FZD4: variants seen among roughly 807,000 people sequenced by gnomAD.
FZD4 encodes the protein frizzled-4.
Under a neutral mutation model 37.3 loss-of-function variants are expected in FZD4, and 16 were observed. The ratio of observed to expected loss-of-function variants is 0.43; its 90% confidence interval spans 0.29 to 0.65. The LOEUF (loss-of-function observed/expected upper bound fraction) is 0.65, where lower values mean the gene tolerates loss of function less well. Ranked by LOEUF, FZD4 falls within the 30% of genes least tolerant of loss-of-function variation. The probability of loss-of-function intolerance (pLI) is 0.16; values close to 1 mark genes in which losing one functional copy is unlikely to be tolerated. For missense variants in FZD4, 599 were observed against 674.3 expected (o/e 0.89, Z 1.24); for synonymous variants, 246 against 254.8 (o/e 0.97, Z 0.33).
rs1319823742 is a variant in FZD4 at position 86,947,709 on chromosome 11, A to C, written c.*3433T>G. ...AAAGGAAAGAGGATATGAATCAACC[A>C]AGTAGCTCAAGCAGATGGTTCTGGC... On this transcript the variant is annotated 3_prime_UTR_variant, in exon 2 of 2. Coordinates refer to ENST00000531380, the MANE Select transcript of FZD4 (RefSeq NM_012193.4). The C allele has an allele frequency of 6.6e-6, 1 of 152,234 alleles. No individual in the cohort carries two copies. The highest frequency in any genetic ancestry group is 1.5e-5 in the Non-Finnish European group (1 of 68,124). The allele number at this position is 152,234 out of a possible 1,614,324, so 9.4% of individuals were successfully genotyped here.
Position 86,946,789 on chromosome 11 carries a change from A to G in FZD4, c.*4353T>C, listed in dbSNP as rs1949246390. 6.6e-6 allele frequency: 1 copy of G among 152,442 alleles called. No homozygotes were observed. Among genetic ancestry groups the G allele is most frequent in the African/African-American group, 2.4e-5 (1 of 41,458 alleles). The allele number at this position is 152,442 out of a possible 1,614,324, so 9.4% of individuals were successfully genotyped here. A position where few individuals can be genotyped will look rare whatever the true frequency, so the allele number is the denominator to read the frequency against. ...AACCCAGAAGGGAACTCTAAACTCA[A>G]ATAAAATAAAGGAACCAATAGGATT... On this transcript the variant is annotated 3_prime_UTR_variant, in exon 2 of 2. Transcript: ENST00000531380.
Position 86,951,845 on chromosome 11 carries a change from AT to A in FZD4, c.910del (p.Ile304Ter). 2 of 1,613,762 alleles carry A rather than the reference AT, an allele frequency of 1.2e-6. No homozygotes were observed. The highest frequency in any genetic ancestry group is 1.7e-6 in the Non-Finnish European group (2 of 1,180,020). On this transcript the variant is annotated frameshift_variant, in exon 2 of 2. Transcript: ENST00000531380. LOFTEE classifies it high-confidence loss of function. ...AAAAAAGTACATCAGCAAGAAAATT[AT>A]TGCACATCCTGTGTTCTTAAGTCCT... ...QEGLKNTGCA[I>X]IFLLMYFFGM...
chr11:86,955,180 G>A lies in FZD4; in HGVS notation c.-95C>T. The A allele has an allele frequency of 9.8e-7, 1 of 1,017,860 alleles. No individual in the cohort carries two copies. The highest frequency in any genetic ancestry group is 2.0e-5 in the South Asian group (1 of 50,154). 63.1% of individuals were successfully genotyped at this position (1,017,860 alleles called of 1,614,324 possible). ...GCGCCGGCTGCCCGCGCTGCTCCCAGCTCCCGGGACGGGAGTGTGATGCGG... is the reference window on the plus strand; with the variant it reads ...GCGCCGGCTGCCCGCGCTGCTCCCAACTCCCGGGACGGGAGTGTGATGCGG... On this transcript the variant is annotated 5_prime_UTR_variant, in exon 1 of 2. Coordinates refer to ENST00000531380, the MANE Select transcript of FZD4 (RefSeq NM_012193.4).
chr11:86,951,959 C>A lies in FZD4; in HGVS notation c.797G>T (p.Ser266Ile). The change falls in exon 2 of 2, where the codon AGC becomes ATC. Residue 266 changes from serine (S) to isoleucine (I), a missense_variant. This residue lies in a region of FZD4 where 357 missense variants were observed against 396.1 expected (regional missense o/e 0.90). Coordinates refer to ENST00000531380, the MANE Select transcript of FZD4 (RefSeq NM_012193.4). ...IFLSMCYNIY[S>I]IAYIVRLTVG... ...AGTCAGCCTGACAATATAAGCAATG[C>A]TATAAATATTATAGCACATACTGAG... 1 of 1,613,916 alleles carries A rather than the reference C, an allele frequency of 6.2e-7. No homozygotes were observed. Among genetic ancestry groups the A allele is most frequent in the Non-Finnish European group, 8.5e-7 (1 of 1,179,902 alleles).
chr11:86,953,837 G>A (rs1162268172), intron 1 of FZD4, among the ~76,000 whole-genome samples: 1 of 152,028 alleles, frequency 6.6e-6, no homozygotes, highest in Admixed American at 6.6e-5. Context: ...GGCTGGTCTC[G>A]AACTCCTAAC....
chr11:86,951,867 G>C lies in FZD4; in HGVS notation c.889C>G (p.Leu297Val). Residue 297 changes from leucine to valine, a missense_variant, in exon 2 of 2, where the codon CTT (leucine) becomes GTT (valine). Leu to Val is a conservative substitution (Grantham distance 32). Transcript: ENST00000531380. ...ATTATTGCACATCCTGTGTTCTTAAGTCCTTCTTGGATGAGAACAGGTTCT... is the reference window on the plus strand; with the variant it reads ...ATTATTGCACATCCTGTGTTCTTAACTCCTTCTTGGATGAGAACAGGTTCT... Reference protein sequence around the residue: ...AAEPVLIQEGLKNTGCAIIFL... With the variant: ...AAEPVLIQEGVKNTGCAIIFL... 1 of 1,613,554 alleles carries C rather than the reference G, an allele frequency of 6.2e-7. No individual in the cohort carries two copies. The highest frequency in any genetic ancestry group is 2.2e-5 in the East Asian group (1 of 44,886).
At position 86,947,441 on chromosome 11, in the gene FZD4, A is replaced by G. The variant is rs1312724197; in HGVS notation, c.*3701T>C. Reference sequence around the variant, plus strand: ...ACAATAAGCATTTAATTCAGTGACCATGAGGATGAGGGGAGCCAGAGAGTA... The same window carrying G: ...ACAATAAGCATTTAATTCAGTGACCGTGAGGATGAGGGGAGCCAGAGAGTA... On this transcript the variant is annotated 3_prime_UTR_variant, in exon 2 of 2. Transcript: ENST00000531380. The G allele has an allele frequency of 1.3e-5, 2 of 152,296 alleles. No homozygotes were observed. The highest frequency in any genetic ancestry group is 2.9e-5 in the Non-Finnish European group (2 of 68,132). The allele number at this position is 152,296 out of a possible 1,614,324, so 9.4% of individuals were successfully genotyped here. A position where few individuals can be genotyped will look rare whatever the true frequency, so the allele number is the denominator to read the frequency against.
rs1230506988 is a variant in FZD4, at chr11:86,945,744, G to A, written c.*5398C>T. 1 of 152,626 alleles carries A rather than the reference G, an allele frequency of 6.6e-6. No homozygotes were observed. Among genetic ancestry groups the A allele is most frequent in the East Asian group, 1.9e-4 (1 of 5,200 alleles). 9.5% of individuals were successfully genotyped at this position (152,626 alleles called of 1,614,324 possible). A position where few individuals can be genotyped will look rare whatever the true frequency, so the allele number is the denominator to read the frequency against. On this transcript the variant is annotated 3_prime_UTR_variant, in exon 2 of 2. Transcript: ENST00000531380. ...TAGCAAGGGGTTTTCTTTGTACAGT[G>A]ATAAATTAGAAATTTACAGTACAGA...
At position 86,950,080 on chromosome 11, in the gene FZD4, T is replaced by C. The variant is rs904286116; in HGVS notation, c.*1062A>G. 2 of 152,480 alleles carry C rather than the reference T, an allele frequency of 1.3e-5. No homozygotes were observed. Among genetic ancestry groups the C allele is most frequent in the Middle Eastern group, 3.2e-3 (1 of 316 alleles). 9.4% of individuals were successfully genotyped at this position (152,480 alleles called of 1,614,324 possible). Reference sequence around the variant, plus strand: ...TTTAAAGTCAGTTGAGTATACTATGTCATGGTCCAACAATGTGCTTTTAAT... The same window carrying C: ...TTTAAAGTCAGTTGAGTATACTATGCCATGGTCCAACAATGTGCTTTTAAT... On this transcript the variant is annotated 3_prime_UTR_variant, in exon 2 of 2. Transcript: ENST00000531380.
rs937686578 is a variant in FZD4, at chr11:86,951,699, C to G, written c.1057G>C (p.Ala353Pro). ...ACAATGGTTTTCACTGCGGGGATGGCCCAGGCTGCAATGTGGAAATAAGAG... is the reference window on the plus strand; with the variant it reads ...ACAATGGTTTTCACTGCGGGGATGGGCCAGGCTGCAATGTGGAAATAAGAG... Reference protein sequence around the residue: ...HSSYFHIAAWAIPAVKTIVIL... With the variant: ...HSSYFHIAAWPIPAVKTIVIL... The change falls in exon 2 of 2, where the codon GCC becomes CCC. Residue 353 changes from alanine (A) to proline (P), a missense_variant. Around this residue, in one of 3 missense-constraint regions of FZD4, gnomAD observed 39 missense variants for 81.4 expected, o/e 0.48. Transcript: ENST00000531380. The G allele has an allele frequency of 8.7e-6, 14 of 1,614,070 alleles. No homozygotes were observed. Among genetic ancestry groups the G allele is most frequent in the Non-Finnish European group, 1.2e-5 (14 of 1,179,936 alleles).
At position 86,951,724 on chromosome 11, in the gene FZD4, G is replaced by A. The variant is rs1389163373; in HGVS notation, c.1032C>T (p.Ser344=). ...KWGHEAIEMH[S]SYFHIAAWAI... ...CCCAGGCTGCAATGTGGAAATAAGA[G>A]CTGTGCATTTCAATGGCTTCATGAC... The change falls in exon 2 of 2, where the codon AGC becomes AGT. Residue 344 remains serine (S), a synonymous_variant. Transcript: ENST00000531380. 3.1e-6 allele frequency: 5 copies of A among 1,614,188 alleles called. No individual in the cohort carries two copies. The highest frequency in any genetic ancestry group is 1.7e-5 in the Admixed American group (1 of 60,028).
chr11:86,952,564 C>A, intron 1 of FZD4, 94 bp from the exon 2 acceptor site: 1 of 1,387,212 alleles, frequency 7.2e-7, no homozygotes, highest in Non-Finnish European at 1.0e-6. Flanking sequence ...TGCTTCCAGG[C>A]AATCTAGGTA....
intron 1 of FZD4, among the ~76,000 whole-genome samples, chr11:86,953,134 C>G (rs1243583926): frequency 1.3e-5 from 2 of 152,168 alleles, no homozygotes; most frequent in African/African-American, 4.8e-5. Context: ...GCTGAAACTG[C>G]AGTACCAGCA....
In FZD4 at chr11:86,955,014, G is replaced by A. The variant is rs770263423; in HGVS notation, c.72C>T (p.Leu24=). 7.4e-6 allele frequency: 12 copies of A among 1,612,662 alleles called. No homozygotes were observed. The Admixed American group carries it at 1.0e-4, about 13-fold the overall frequency. Residue 24 remains leucine (L), a synonymous_variant, in exon 1 of 2, where the codon CTC becomes CTT. Coordinates refer to ENST00000531380, the MANE Select transcript of FZD4 (RefSeq NM_012193.4). The part of the protein sequence containing the change: ...PGGVGLSLGL[L]LQLLLLLGPA... ...GCCCCAGGAGCAGCAGCAACTGCAG[G>A]AGCAACCCCAGACTGAGACCGACGC...
chr11:86,954,664 G>A (rs922352134), intron 1 of FZD4, 137 bp downstream of exon 1: 10 of 1,438,712 alleles, frequency 7.0e-6, no homozygotes, highest in South Asian at 1.5e-5. Context: ...GAAAGTGGGG[G>A]TGGGGATGGA....
chr11:86,950,607 A>G lies in FZD4; in HGVS notation c.*535T>C, dbSNP rs75557858. 380 of 178,826 alleles carry G rather than the reference A, an allele frequency of 2.1e-3. 4 individuals are homozygous for G. Among genetic ancestry groups the G allele is most frequent in the African/African-American group, 8.6e-3 (363 of 42,094 alleles). The allele number at this position is 178,826 out of a possible 1,614,324, so 11.1% of individuals were successfully genotyped here. A position where few individuals can be genotyped will look rare whatever the true frequency, so the allele number is the denominator to read the frequency against. On this transcript the variant is annotated 3_prime_UTR_variant, in exon 2 of 2. Coordinates refer to ENST00000531380, the MANE Select transcript of FZD4 (RefSeq NM_012193.4). ...CAGTCCACAAAGTTCTAAACAGCAG[A>G]CAGCGCACCACAGAAGATGTTTATG...
Position 86,955,088 on chromosome 11 carries a change from C to A in FZD4, c.-3G>T, listed in dbSNP as rs776302269. On this transcript the variant is annotated 5_prime_UTR_variant, in exon 1 of 2. Transcript: ENST00000531380. The stretch of plus-strand genomic sequence containing the variant: ...GGCCCTGCGCCCCGCCAGGCCATGG[C>A]CAGCATCGGGGGTAGCAGCGGCAGC... 6.6e-7 allele frequency: 1 copy of A among 1,521,066 alleles called. No homozygotes were observed. Among genetic ancestry groups the A allele is most frequent in the Non-Finnish European group, 8.8e-7 (1 of 1,139,220 alleles). 94.2% of individuals were successfully genotyped at this position (1,521,066 alleles called of 1,614,324 possible).
In FZD4 at chr11:86,947,347, GTC is replaced by G. The variant is rs893741983; in HGVS notation, c.*3793_*3794del. On this transcript the variant is annotated 3_prime_UTR_variant, in exon 2 of 2. Coordinates refer to ENST00000531380, the MANE Select transcript of FZD4 (RefSeq NM_012193.4). ...TGCACCGACCTGGTGAAATCCCTGAGTCTATTCCTCTAGGGCTGAGACTGTTG... is the reference window on the plus strand; with the variant it reads ...TGCACCGACCTGGTGAAATCCCTGAGTATTCCTCTAGGGCTGAGACTGTTG... 3.3e-5 allele frequency: 5 copies of G among 153,376 alleles called. No homozygotes were observed. Among genetic ancestry groups the G allele is most frequent in the African/African-American group, 9.6e-5 (4 of 41,594 alleles). The allele number at this position is 153,376 out of a possible 1,614,324, so 9.5% of individuals were successfully genotyped here.
At chr11:86,954,276 C>T (rs1478272128) in intron 1 of FZD4, 1 of 985,028 alleles carries the variant, frequency 1.0e-6, no homozygotes, top group African/African-American at 1.7e-5. Flanking sequence ...TAAGAAAGAA[C>T]TCAAGCCAAC....
Sources: allele counts gnomAD v4.1 joint callset (sites outside exome capture counted in the v4.1 genomes callset), GRCh38; gene constraint gnomAD v4.1.1; regional missense constraint gnomAD v4.1.1; transcripts MANE v1.5; gene names NCBI Gene and HGNC (gene_info 2026-07-23, HGNC 2026-07-21).